The following UBE2E2 variants were observed in gnomAD, a reference collection of about 807,000 sequenced individuals.
UBE2E2 encodes ubiquitin-conjugating enzyme E2 E2.
A neutral mutation model predicts 24.7 loss-of-function variants in UBE2E2; 6 were observed. That is an observed-to-expected ratio of 0.24 (90% CI 0.13 to 0.48). UBE2E2 has a LOEUF of 0.48. Ranked by LOEUF, UBE2E2 falls within the 20% of genes least tolerant of loss-of-function variation. The probability of loss-of-function intolerance (pLI) is 0.99; values close to 1 mark genes in which losing one functional copy is unlikely to be tolerated. For synonymous variants in UBE2E2, 104 were observed against 83.6 expected (o/e 1.24, Z -1.33); for missense variants, 169 against 245.0 (o/e 0.69, Z 2.07).
intron 3 of UBE2E2, among the ~76,000 whole-genome samples, chr3:23,263,194 C>T (rs577000194): frequency 4.9e-4 from 74 of 152,254 alleles, no homozygotes; most frequent in African/African-American, 1.6e-3. Context: ...GACTGCTCAA[C>T]GGAATTTTGA....
In UBE2E2 at chr3:23,583,777, C is replaced by T. The variant is rs1696541947; in HGVS notation, c.509-5957C>T. ...TGTGCATTGATTTTGTATCCTGACA[C>T]TTTGCTGAAGTTGTTTATCAGGTCA... On this transcript the variant is annotated intron_variant, in intron 5 of 5. Coordinates refer to ENST00000396703, the MANE Select transcript of UBE2E2 (RefSeq NM_152653.4). The surrounding 1 kb of genome is among the most constrained non-coding windows in gnomAD (Gnocchi z 4.1). 6.6e-6 allele frequency among the ~76,000 whole-genome samples: 1 copy of T among 152,184 alleles called. No homozygotes were observed. The highest frequency in any genetic ancestry group is 1.5e-5 in the Non-Finnish European group (1 of 68,036).
At chr3:23,245,537 G>T (rs182396338) in intron 3 of UBE2E2, among the ~76,000 whole-genome samples, 1 of 152,104 alleles carries the variant, frequency 6.6e-6, no homozygotes, top group Non-Finnish European at 1.5e-5. Flanking sequence ...CAAAATATTG[G>T]ATATCTTTAT....
At chr3:23,301,699 A>G (rs1699097309) in intron 3 of UBE2E2, among the ~76,000 whole-genome samples, 1 of 152,142 alleles carries the variant, frequency 6.6e-6, no homozygotes, top group African/African-American at 2.4e-5. Context: ...CCCTACTGAG[A>G]GATGCCTCCC....
chr3:23,261,384 A>G (rs1196295832), intron 3 of UBE2E2, among the ~76,000 whole-genome samples: 1 of 152,146 alleles, frequency 6.6e-6, no homozygotes, highest in Non-Finnish European at 1.5e-5. Context: ...GATTTGATAC[A>G]TGTTTATATT....
intron 3 of UBE2E2, among the ~76,000 whole-genome samples, chr3:23,313,791 T>A (rs1183618130): frequency 6.6e-6 from 1 of 152,150 alleles, no homozygotes; most frequent in Non-Finnish European, 1.5e-5. Flanking sequence ...TCCTGCCGTT[T>A]TGTTACTTGT....
At chr3:23,584,743 T>G (rs1342230443) in intron 5 of UBE2E2, among the ~76,000 whole-genome samples, 2 of 147,392 alleles carry the variant, frequency 1.4e-5, no homozygotes, top group East Asian at 2.0e-4. Flanking sequence ...TTTTTTTTTT[T>G]TTTTTTTTGT....
At chr3:23,531,823 A>G (rs1695128279) in intron 4 of UBE2E2, among the ~76,000 whole-genome samples, 2 of 152,274 alleles carry the variant, frequency 1.3e-5, no homozygotes, top group African/African-American at 4.8e-5. Flanking sequence ...GCACTTTGGG[A>G]GGCCAAGGCA....
chr3:23,475,600 C>G (rs1304912974), intron 3 of UBE2E2, among the ~76,000 whole-genome samples: 1 of 152,010 alleles, frequency 6.6e-6, no homozygotes, highest in Non-Finnish European at 1.5e-5. Context: ...CTCCTAAACT[C>G]AGAAGGAGCC....
intron 3 of UBE2E2, among the ~76,000 whole-genome samples, chr3:23,404,451 T>A (rs951036102): frequency 1.3e-5 from 2 of 152,188 alleles, no homozygotes; most frequent in Admixed American, 6.5e-5. Context: ...ACTCTTATCA[T>A]TCTTTCTCAG....
intron 3 of UBE2E2, among the ~76,000 whole-genome samples, chr3:23,400,610 A>ACACACACACACATACT (rs1553608480): frequency 1.0e-5 from 1 of 100,136 alleles, no homozygotes; most frequent in Non-Finnish European, 2.2e-5. Context: ...TAAATGAAAC[A>ACACACACACACATACT]CACACACACA....
chr3:23,374,034 T>C (rs1183271742), intron 3 of UBE2E2, among the ~76,000 whole-genome samples: 1 of 152,220 alleles, frequency 6.6e-6, no homozygotes, highest in East Asian at 1.9e-4. Context: ...ACAGGATGCT[T>C]AATAGCACTG....
At chr3:23,403,916 C>T (rs1357873974) in intron 3 of UBE2E2, among the ~76,000 whole-genome samples, 1 of 151,914 alleles carries the variant, frequency 6.6e-6, no homozygotes, top group African/African-American at 2.4e-5. Context: ...TTAACCATGT[C>T]AGTAACGAAA....
At position 23,328,604 on chromosome 3, in the gene UBE2E2, T is replaced by C. The variant is rs192335418; in HGVS notation, c.227+111292T>C. ...TGGCTTTATTGGGATGTAACACCAT[T>C]GTAAGTTTAGTCACATCTGTAGATT... On this transcript the variant is annotated intron_variant, in intron 3 of 5. Coordinates refer to ENST00000396703, the MANE Select transcript of UBE2E2 (RefSeq NM_152653.4). Among the ~76,000 whole-genome samples, 40 of 152,326 alleles carry C rather than the reference T, an allele frequency of 2.6e-4. 1 individual carries two copies. The East Asian group carries it at 7.3e-3, about 28-fold the overall frequency.
At chr3:23,249,488 A>G (rs1697511954) in intron 3 of UBE2E2, among the ~76,000 whole-genome samples, 1 of 152,182 alleles carries the variant, frequency 6.6e-6, no homozygotes, top group East Asian at 1.9e-4. Context: ...GATACTAAAA[A>G]TTTTGGTCAC....
chr3:23,513,621 T>C (rs1375133809), intron 4 of UBE2E2, among the ~76,000 whole-genome samples: 2 of 152,202 alleles, frequency 1.3e-5, no homozygotes, highest in Admixed American at 6.5e-5. Flanking sequence ...TCAATTTTAA[T>C]AGATTCTGCC....
chr3:23,289,810 G>T lies in UBE2E2; in HGVS notation c.227+72498G>T, dbSNP rs140073249. 8.5e-3 allele frequency among the ~76,000 whole-genome samples: 1,291 copies of T among 152,306 alleles called. 11 individuals carry two copies. Among genetic ancestry groups the T allele is most frequent in the Middle Eastern group, 0.024 (7 of 294 alleles). On this transcript the variant is annotated intron_variant, in intron 3 of 5. Coordinates refer to ENST00000396703, the MANE Select transcript of UBE2E2 (RefSeq NM_152653.4). ...TGTCTACCAGTGACATTACATTAAA[G>T]CTTTTCATAATCGAGTTGTGGTAAG...
intron 5 of UBE2E2, among the ~76,000 whole-genome samples, chr3:23,577,592 G>GGCA (rs1287855947): frequency 6.6e-6 from 1 of 152,208 alleles, no homozygotes; most frequent in Admixed American, 6.5e-5. Flanking sequence ...CAAGGAACAA[G>GGCA]GCAGGTGCAA....
chr3:23,301,284 A>C (rs773776591), intron 3 of UBE2E2, among the ~76,000 whole-genome samples: 6 of 152,176 alleles, frequency 3.9e-5, no homozygotes, highest in South Asian at 4.1e-4. Flanking sequence ...TCTCTCAACT[A>C]ATCAAAGTCA....
chr3:23,430,485 G>C (rs1347001840), intron 3 of UBE2E2, among the ~76,000 whole-genome samples: 1 of 151,780 alleles, frequency 6.6e-6, no homozygotes, highest in African/African-American at 2.4e-5. Flanking sequence ...CACTTAATAT[G>C]TTGGCTATTA....
Sources: gnomAD v4.1 joint callset for allele counts (sites outside exome capture counted in the v4.1 genomes callset) on GRCh38, gnomAD v4.1.1 for gene constraint, Gnocchi (gnomAD v3.1) non-coding constraint, MANE v1.5 for transcripts, NCBI Gene and HGNC (gene_info 2026-07-23, HGNC 2026-07-21) for gene names.